SND1: variants seen among roughly 807,000 people sequenced by gnomAD.
SND1 encodes the protein staphylococcal nuclease and tudor domain containing 1.
SND1 carries 38 observed loss-of-function variants against 121.7 expected under a neutral mutation model. That is an observed-to-expected ratio of 0.31 (90% confidence interval 0.24 to 0.41). SND1 has a LOEUF of 0.41. SND1 is among the 10% of genes least tolerant of loss of function. The pLI, the probability that SND1 is intolerant of heterozygous loss-of-function variation, is 1.00. For missense variants in SND1, 868 were observed against 1,184.6 expected, an observed-to-expected ratio of 0.73 and a Z score of 3.92; for synonymous variants, 401 against 447.4, an observed-to-expected ratio of 0.90 and a Z score of 1.31.
intron 12 of SND1, among the ~76,000 whole-genome samples, chr7:127,870,668 C>T (rs891010700): frequency 2.0e-5 from 3 of 152,012 alleles, no homozygotes; most frequent in East Asian, 3.9e-4. Flanking sequence ...AGGTACTTAC[C>T]GTGAATGGAG....
At chr7:127,888,488 T>C (rs1799951821) in intron 13 of SND1, among the ~76,000 whole-genome samples, 1 of 152,172 alleles carries the variant, frequency 6.6e-6, no homozygotes, top group Non-Finnish European at 1.5e-5. Context: ...TTTCAAACAC[T>C]TCTGACAGCT....
intron 16 of SND1, among the ~76,000 whole-genome samples, chr7:128,066,246 C>T (rs527302747): frequency 1.1e-4 from 16 of 152,342 alleles, no homozygotes; most frequent in African/African-American, 3.8e-4. Context: ...AGAAAGCCAC[C>T]CTGAGCTTCT....
At chr7:128,075,880 A>T (rs1793498509) in intron 17 of SND1, among the ~76,000 whole-genome samples, 1 of 152,160 alleles carries the variant, frequency 6.6e-6, no homozygotes, top group African/African-American at 2.4e-5. Context: ...TTCTTCCTGG[A>T]TTTCCTGCTT....
intron 9 of SND1, among the ~76,000 whole-genome samples, chr7:127,720,463 G>T (rs185552047): frequency 1.3e-5 from 2 of 152,330 alleles, no homozygotes; most frequent in East Asian, 3.9e-4. Flanking sequence ...TGTATTATGC[G>T]TTCTAGCTAC....
intron 13 of SND1, among the ~76,000 whole-genome samples, chr7:127,894,550 G>C (rs1277750291): frequency 5.3e-5 from 8 of 152,110 alleles, no homozygotes; most frequent in Admixed American, 2.6e-4. Flanking sequence ...AAATGGAAGA[G>C]GAGTATATTG....
At chr7:127,746,923 A>G (rs762766316) in intron 10 of SND1, among the ~76,000 whole-genome samples, 7 of 152,240 alleles carry the variant, frequency 4.6e-5, no homozygotes, top group African/African-American at 1.4e-4. Flanking sequence ...AGCATATGCT[A>G]GTAATGTTTG....
rs144283215 is a variant in SND1, at chr7:127,956,742, G to A, written c.1669+27413G>A. Among the ~76,000 whole-genome samples the A allele has an allele frequency of 4.0e-3, 602 of 152,324 alleles. 7 individuals are homozygous for A. Among genetic ancestry groups the A allele is most frequent in the African/African-American group, 0.014 (566 of 41,564 alleles). ...TATGGTTGGGATAGTTTGATGATAC[G>A]TGTTTACACATCTGCACGTGTGCAT... On this transcript the variant is annotated intron_variant, in intron 15 of 23. Coordinates refer to ENST00000354725, the MANE Select transcript of SND1 (RefSeq NM_014390.4).
At chr7:127,699,363 A>T (rs1170476302) in intron 4 of SND1, among the ~76,000 whole-genome samples, 1 of 152,232 alleles carries the variant, frequency 6.6e-6, no homozygotes, top group Non-Finnish European at 1.5e-5. Flanking sequence ...GGAGACAGTC[A>T]GTAAACAAGT....
At chr7:128,074,387 G>A in intron 16 of SND1, 115 bp from the exon 17 acceptor site, 1 of 1,055,844 alleles carries the variant, frequency 9.5e-7, no homozygotes, top group South Asian at 1.7e-5. Context: ...GAGGTTGGCA[G>A]CGGCTGCCAA....
intron 1 of SND1, among the ~76,000 whole-genome samples, chr7:127,664,869 C>G (rs1305417729): frequency 1.3e-5 from 2 of 152,184 alleles, no homozygotes; most frequent in African/African-American, 2.4e-5. Flanking sequence ...TGGAAAAAAA[C>G]CCACACACAT....
intron 12 of SND1, among the ~76,000 whole-genome samples, chr7:127,847,214 G>T (rs1799081738): frequency 6.6e-6 from 1 of 152,188 alleles, no homozygotes; most frequent in Non-Finnish European, 1.5e-5. Context: ...GGGAGTTGCA[G>T]TGAGCCGAGA....
intron 18 of SND1, among the ~76,000 whole-genome samples, chr7:128,083,915 G>C (rs1436324406): frequency 6.6e-6 from 1 of 152,194 alleles, no homozygotes; most frequent in Non-Finnish European, 1.5e-5. Flanking sequence ...TAGGCCCTGG[G>C]TGTTGCTAAA....
At chr7:127,880,225 A>G (rs1339917237) in intron 12 of SND1, among the ~76,000 whole-genome samples, 4 of 152,282 alleles carry the variant, frequency 2.6e-5, no homozygotes, top group South Asian at 2.1e-4. Context: ...TCGACTGGCT[A>G]TGGATGCTTG....
At chr7:127,975,345 G>T (rs1269920099) in intron 15 of SND1, among the ~76,000 whole-genome samples, 1 of 152,066 alleles carries the variant, frequency 6.6e-6, no homozygotes, top group African/African-American at 2.4e-5. Flanking sequence ...GCGCGCGCAT[G>T]TGCGCACGCG....
chr7:128,068,681 T>A (rs1205966578), intron 16 of SND1, among the ~76,000 whole-genome samples: 9 of 152,182 alleles, frequency 5.9e-5, no homozygotes, highest in African/African-American at 2.2e-4. Flanking sequence ...GCCACGGAGC[T>A]GGGGGCTGCT....
At chr7:127,716,638 C>G (rs1796396318) in intron 9 of SND1, among the ~76,000 whole-genome samples, 1 of 152,038 alleles carries the variant, frequency 6.6e-6, no homozygotes, top group South Asian at 2.1e-4. Flanking sequence ...CATCTGGGAA[C>G]AGTGATAATT....
At chr7:127,971,290 T>C (rs1264587783) in intron 15 of SND1, among the ~76,000 whole-genome samples, 3 of 152,176 alleles carry the variant, frequency 2.0e-5, no homozygotes, top group African/African-American at 7.2e-5. Context: ...AGAAAAAGGT[T>C]TGTAACCAGC....
chr7:127,652,196 C>T lies in SND1; in HGVS notation c.-178C>T, dbSNP rs1233133954. On this transcript the variant is annotated 5_prime_UTR_variant, in exon 1 of 24. Coordinates refer to ENST00000354725, the MANE Select transcript of SND1 (RefSeq NM_014390.4). ...TGTGGCGGCGGCGGAGATCGCGTCT[C>T]TTTCGCTCCGTGTCCCGCTGCTGCT... 8 of 658,034 alleles carry T rather than the reference C, an allele frequency of 1.2e-5. No homozygotes were observed. Among genetic ancestry groups the T allele is most frequent in the South Asian group, 1.7e-5 (1 of 59,280 alleles). 40.8% of individuals were successfully genotyped at this position (658,034 alleles called of 1,614,324 possible).
At chr7:127,881,510 A>T (rs1233317917) in intron 12 of SND1, among the ~76,000 whole-genome samples, 5 of 152,148 alleles carry the variant, frequency 3.3e-5, no homozygotes, top group African/African-American at 1.2e-4. Flanking sequence ...GGCACCAAAT[A>T]TTCAAAGTCA....
Sources: gnomAD v4.1 joint callset for allele counts (sites outside exome capture counted in the v4.1 genomes callset) on GRCh38, gnomAD v4.1.1 for gene constraint, MANE v1.5 for transcripts, NCBI Gene and HGNC (gene_info 2026-07-23, HGNC 2026-07-21) for gene names.